Variants in MS4A8 observed in about 807,000 individuals in gnomAD.
MS4A8 encodes the protein membrane spanning 4-domains A8, also known as membrane-spanning 4-domains subfamily A member 8.
Under a neutral mutation model 23.7 loss-of-function variants are expected in MS4A8, and 27 were observed. The observed-to-expected ratio is 1.14, with a 90% CI of 0.84 to 1.57. MS4A8 has a LOEUF of 1.57. Ranked by LOEUF, MS4A8 falls within the 40% of genes most tolerant of loss-of-function variation. MS4A8 has a pLI of 0.00. For synonymous variants in MS4A8, 138 were observed against 126.3 expected (o/e 1.09, Z -0.62); for missense variants, 301 against 311.4 (o/e 0.97, Z 0.25).
At chr11:60,715,275 T>G in intron 6 of MS4A8, 35 bp from the exon 7 acceptor site, 2 of 1,593,350 alleles carry the variant, frequency 1.3e-6, no homozygotes, top group African/African-American at 1.3e-5. Context: ...GGCCCGTCCT[T>G]CTTAGCATGC....
intron 5 of MS4A8, 29 bp from the exon 6 acceptor site, chr11:60,714,992 C>G: frequency 6.5e-7 from 1 of 1,532,898 alleles, no homozygotes; most frequent in Non-Finnish European, 9.0e-7. Context: ...GTCCCGTGCT[C>G]CTGTCCTCCC....
Position 60,713,738 on chromosome 11 carries a change from G to A in MS4A8, c.535-1283G>A, listed in dbSNP as rs556340127. 2.4e-4 allele frequency among the ~76,000 whole-genome samples: 36 copies of A among 152,096 alleles called. No homozygotes were observed. In the East Asian group the frequency reaches 6.0e-3, roughly 25 times the overall value. On this transcript the variant is annotated intron_variant, in intron 5 of 6. Coordinates refer to ENST00000300226, the MANE Select transcript of MS4A8 (RefSeq NM_031457.2). ...CTTTACGGGTGTTGGGCTGGGGGAC[G>A]GTCAGGTCTTTCCCATCCCATGAGG...
intron 5 of MS4A8, chr11:60,712,110 G>A: frequency 3.6e-6 from 1 of 281,350 alleles, no homozygotes; most frequent in South Asian, 3.4e-5. Context: ...AGCATACTTT[G>A]CCCAGGCCAT....
At chr11:60,701,636 G>T in intron 2 of MS4A8, 1 of 196,696 alleles carries the variant, frequency 5.1e-6, no homozygotes, top group Non-Finnish European at 1.1e-5. Flanking sequence ...AGTGCTCATG[G>T]GAACAAAAAT....
chr11:60,712,380 T>A, intron 5 of MS4A8: 1 of 985,364 alleles, frequency 1.0e-6, no homozygotes, highest in Non-Finnish European at 1.2e-6. Flanking sequence ...AGCAGATGTT[T>A]AATAACCACT....
intron 3 of MS4A8, among the ~76,000 whole-genome samples, chr11:60,705,884 T>C (rs1221173396): frequency 6.6e-6 from 1 of 152,230 alleles, no homozygotes; most frequent in Non-Finnish European, 1.5e-5. Context: ...GATGATGTTG[T>C]GTGAGTTGTT....
At chr11:60,705,371 A>G (rs2088246902) in intron 3 of MS4A8, among the ~76,000 whole-genome samples, 1 of 152,196 alleles carries the variant, frequency 6.6e-6, no homozygotes, top group South Asian at 2.1e-4. Context: ...GGCATCTCAA[A>G]TGCCTCACTG....
Position 60,703,470 on chromosome 11 carries a change from C to A in MS4A8, c.312C>A (p.Tyr104Ter), listed in dbSNP as rs144254483. The A allele has an allele frequency of 6.8e-6, 11 of 1,608,290 alleles. No individual in the cohort carries two copies. The highest frequency in any genetic ancestry group is 1.7e-5 in the Admixed American group (1 of 59,012). ...LVGEYLSISF[Y>*]GGFPFWGGLW... ...GGGAATACCTGTCTATTTCATTCTA[C>A]GGAGGCTTTCCCTTCTGGGGAGGCT... The change falls in exon 3 of 7, where the codon TAC (tyrosine) becomes TAA (stop). Residue 104 changes from tyrosine to a stop codon, truncating the protein, a stop_gained. Coordinates refer to ENST00000300226, the MANE Select transcript of MS4A8 (RefSeq NM_031457.2). LOFTEE classifies it high-confidence loss of function.
Position 60,707,090 on chromosome 11 carries a change from T to A in MS4A8, c.402+43T>A, listed in dbSNP as rs1224538821. 1.9e-6 allele frequency: 3 copies of A among 1,557,684 alleles called. No homozygotes were observed. The Admixed American group carries it at 5.0e-5, about 26-fold the overall frequency. ...ACCAGCTCTTCCAACTGGAGACCTA[T>A]AGAATGGTGTCACAAAGGGGAAAAT... On this transcript the variant is annotated intron_variant, in intron 4 of 6. Transcript: ENST00000300226.
chr11:60,710,417 C>G (rs1168586853), intron 5 of MS4A8, among the ~76,000 whole-genome samples: 1 of 152,144 alleles, frequency 6.6e-6, no homozygotes, highest in African/African-American at 2.4e-5. Context: ...TCCAGTTGCT[C>G]GGGACAAAAC....
rs2088338646 is a variant in MS4A8 at position 60,715,732 on chromosome 11, T to A, written c.*318T>A. 1 of 340,688 alleles carries A rather than the reference T, an allele frequency of 2.9e-6. No individual in the cohort carries two copies. The highest frequency in any genetic ancestry group is 5.4e-6 in the Non-Finnish European group (1 of 183,498). The allele number at this position is 340,688 out of a possible 1,614,324, so 21.1% of individuals were successfully genotyped here. On this transcript the variant is annotated 3_prime_UTR_variant, in exon 7 of 7. Transcript: ENST00000300226. The stretch of plus-strand genomic sequence containing the variant: ...CTCTGCTGCATGTGAGCTTGTGGGT[T>A]AGAGGAACAAATATCTAGACATTCA...
intron 5 of MS4A8, among the ~76,000 whole-genome samples, chr11:60,713,718 C>G (rs1422413735): frequency 6.6e-6 from 1 of 152,002 alleles, no homozygotes; most frequent in Non-Finnish European, 1.5e-5. Flanking sequence ...AGACCCTTTA[C>G]GGGTGTTGGG....
intron 5 of MS4A8, chr11:60,708,999 T>C: frequency 2.0e-6 from 1 of 500,752 alleles, no homozygotes; most frequent in East Asian, 4.0e-5. Context: ...ATACCTACCT[T>C]GTGGCAATGT....
chr11:60,708,904 A>G, intron 5 of MS4A8, 123 bp downstream of exon 5: 2 of 1,225,540 alleles, frequency 1.6e-6, no homozygotes, highest in Non-Finnish European at 2.4e-6. Context: ...AGGTGCTTTC[A>G]GCATAGGAAC....
chr11:60,709,091 C>T (rs2088281106), intron 5 of MS4A8: 1 of 341,118 alleles, frequency 2.9e-6, no homozygotes. Context: ...TGCCTTCTTG[C>T]CCATTACTAT....
At chr11:60,704,209 C>T (rs1213249624) in intron 3 of MS4A8, among the ~76,000 whole-genome samples, 2 of 151,442 alleles carry the variant, frequency 1.3e-5, no homozygotes, top group Admixed American at 1.3e-4. Flanking sequence ...CAACCTCCCC[C>T]TCCCGGATTC....
At position 60,700,986 on chromosome 11, in the gene MS4A8, A is replaced by G. The variant is rs143555218; in HGVS notation, c.126A>G (p.Gln42=). The part of the protein sequence containing the change: ...HVPLYPNSQP[Q]VHLVPGNPPS... Reference sequence around the variant, plus strand: ...CCCTGTATCCAAACAGCCAGCCGCAAGTCCACCTAGTTCCTGGGAACCCAC... The same window carrying G: ...CCCTGTATCCAAACAGCCAGCCGCAGGTCCACCTAGTTCCTGGGAACCCAC... The change falls in exon 2 of 7, where the codon CAA becomes CAG. Residue 42 remains glutamine (Q), a synonymous_variant. Transcript: ENST00000300226. 18 of 1,614,118 alleles carry G rather than the reference A, an allele frequency of 1.1e-5. No homozygotes were observed. The African/African-American group carries it at 2.3e-4, about 20-fold the overall frequency.
intron 3 of MS4A8, among the ~76,000 whole-genome samples, chr11:60,705,459 T>C (rs2088247901): frequency 6.6e-6 from 1 of 152,260 alleles, no homozygotes; most frequent in Non-Finnish European, 1.5e-5. Context: ...AGGGCAGTTG[T>C]GCTCTTTGCT....
rs1432482666 is a variant in MS4A8 at position 60,699,701 on chromosome 11, CA to C, written c.-75del. ...ACTGGCCCCAGTACATTCATTCTCTCAGGAAAAAAAACAAGGTCCCCACAGC... is the reference window on the plus strand; with the variant it reads ...ACTGGCCCCAGTACATTCATTCTCTCGGAAAAAAAACAAGGTCCCCACAGC... On this transcript the variant is annotated 5_prime_UTR_variant, in exon 1 of 7. Coordinates refer to ENST00000300226, the MANE Select transcript of MS4A8 (RefSeq NM_031457.2). 4 of 152,226 alleles carry C rather than the reference CA, an allele frequency of 2.6e-5. No individual in the cohort carries two copies. The highest frequency in any genetic ancestry group is 2.6e-4 in the Admixed American group (4 of 15,258). The allele number at this position is 152,226 out of a possible 1,614,324, so 9.4% of individuals were successfully genotyped here.
Sources: allele counts gnomAD v4.1 joint callset (sites outside exome capture counted in the v4.1 genomes callset), GRCh38; gene constraint gnomAD v4.1.1; transcripts MANE v1.5; gene names NCBI Gene and HGNC (gene_info 2026-07-23, HGNC 2026-07-21).